LRRC18: variants seen among roughly 807,000 people sequenced by gnomAD.
The protein encoded by LRRC18 is leucine-rich repeat-containing protein 18.
A neutral mutation model predicts 11.2 loss-of-function variants in LRRC18; 12 were observed. That is an observed-to-expected ratio of 1.07 (90% CI 0.69 to 1.74). LRRC18 has a LOEUF of 1.74. Ranked by LOEUF, LRRC18 falls within the 40% of genes most tolerant of loss-of-function variation. The pLI is 0.00. For synonymous variants in LRRC18, 155 were observed against 130.6 expected (o/e 1.19, Z -1.27); for missense variants, 374 against 330.5 (o/e 1.13, Z -1.02).
chr10:48,932,058 A>C, the LRRC18 span, among the ~76,000 whole-genome samples: 1 of 152,220 alleles, frequency 6.6e-6, no homozygotes, highest in Non-Finnish European at 1.5e-5. Context: ...CTTCATTGCC[A>C]ACCCAGGTTT....
chr10:48,925,597 C>CT, the LRRC18 span, among the ~76,000 whole-genome samples: 1 of 152,228 alleles, frequency 6.6e-6, no homozygotes, highest in African/African-American at 2.4e-5. Flanking sequence ...GTGAGCACTG[C>CT]TTCCCTGTGG....
intron 1 of LRRC18, among the ~76,000 whole-genome samples, chr10:48,912,301 A>G (rs946871682): frequency 2.6e-5 from 4 of 152,222 alleles, no homozygotes; most frequent in African/African-American, 9.6e-5. Context: ...TACGTTCTCC[A>G]TGTGCTGCCT....
chr10:48,914,029 G>A, exon 1 of LRRC18: 1 of 1,614,182 alleles, frequency 6.2e-7, no homozygotes, highest in Non-Finnish European at 8.5e-7. Flanking sequence ...ATACACTTGG[G>A]GAAGGTGGTA....
chr10:48,939,567 A>C, the LRRC18 span, among the ~76,000 whole-genome samples: 1 of 152,224 alleles, frequency 6.6e-6, no homozygotes, highest in African/African-American at 2.4e-5. Flanking sequence ...CATCTTATTT[A>C]ATCTAAAACT....
the LRRC18 span, among the ~76,000 whole-genome samples, chr10:48,931,687 G>A: frequency 1.3e-5 from 2 of 152,206 alleles, no homozygotes; most frequent in Admixed American, 6.5e-5. Flanking sequence ...TTGTCTTTCA[G>A]AAAATGCTGC....
At chr10:48,933,702 A>T in the LRRC18 span, among the ~76,000 whole-genome samples, 1 of 152,152 alleles carries the variant, frequency 6.6e-6, no homozygotes, top group Non-Finnish European at 1.5e-5. Context: ...AGAAACTGAA[A>T]AATTGGCAGT....
the LRRC18 span, among the ~76,000 whole-genome samples, chr10:48,922,863 A>G: frequency 2.2e-4 from 33 of 152,242 alleles, no homozygotes; most frequent in Non-Finnish European, 4.6e-4. Flanking sequence ...GAACAAATCT[A>G]TGGTTGCAGG....
upstream of LRRC18, among the ~76,000 whole-genome samples, chr10:48,919,048 C>T (rs151263420): frequency 2.6e-5 from 4 of 152,188 alleles, no homozygotes; most frequent in African/African-American, 9.6e-5. Flanking sequence ...ATGGAATATC[C>T]ACTAACACAG....
At chr10:48,913,546 TCTC>T (rs1838208566) in exon 1 of LRRC18, 2 of 1,613,970 alleles carry the variant, frequency 1.2e-6, no homozygotes, top group South Asian at 1.1e-5. Context: ...CACAGATCCT[TCTC>T]CTCCACAACA....
At chr10:48,936,083 A>C in the LRRC18 span, among the ~76,000 whole-genome samples, 733 of 152,310 alleles carry the variant, frequency 4.8e-3, 3 homozygotes, top group African/African-American at 0.017. Flanking sequence ...TAAATTAGAA[A>C]ATAAATTAAC....
At chr10:48,923,627 G>A in the LRRC18 span, among the ~76,000 whole-genome samples, 14 of 151,474 alleles carry the variant, frequency 9.2e-5, 1 homozygote, top group South Asian at 2.1e-3. Flanking sequence ...TCATGCATTC[G>A]TTCATTTGTT....
At chr10:48,921,358 T>A in the LRRC18 span, among the ~76,000 whole-genome samples, 1 of 152,188 alleles carries the variant, frequency 6.6e-6, no homozygotes, top group South Asian at 2.1e-4. Flanking sequence ...GGTCAAAGGA[T>A]GTTCAATGGA....
At chr10:48,920,134 G>C in the LRRC18 span, among the ~76,000 whole-genome samples, 2 of 150,852 alleles carry the variant, frequency 1.3e-5, no homozygotes, top group Admixed American at 6.6e-5. Context: ...AAAAAAAAAA[G>C]ATCTTATAAT....
chr10:48,934,517 TGAG>T, the LRRC18 span, among the ~76,000 whole-genome samples: 3 of 152,194 alleles, frequency 2.0e-5, no homozygotes, highest in African/African-American at 7.2e-5. Context: ...AGTTGGGTCT[TGAG>T]GAGTGTGTTC....
chr10:48,917,952 C>T (rs981020645), upstream of LRRC18, among the ~76,000 whole-genome samples: 3 of 152,094 alleles, frequency 2.0e-5, no homozygotes, highest in Non-Finnish European at 4.4e-5. Context: ...TACTACATAA[C>T]GGGGAAGTGA....
the LRRC18 span, among the ~76,000 whole-genome samples, chr10:48,923,981 A>G: frequency 1.3e-5 from 2 of 152,192 alleles, no homozygotes; most frequent in South Asian, 4.1e-4. Flanking sequence ...AAGCCCTCCC[A>G]GCTCTGATGA....
At chr10:48,913,322 G>A in intron 1 of LRRC18, 70 bp downstream of exon 3, 1 of 1,461,174 alleles carries the variant, frequency 6.8e-7, no homozygotes, top group Non-Finnish European at 9.3e-7. Context: ...GGTTTCCTGT[G>A]GAGGTAGCCC....
At chr10:48,911,579 G>A (rs1838008039) in intron 1 of LRRC18, among the ~76,000 whole-genome samples, 2 of 152,184 alleles carry the variant, frequency 1.3e-5, no homozygotes, top group Non-Finnish European at 1.5e-5. Context: ...TCTTGCAGAT[G>A]TTTTAAAGTG....
the LRRC18 span, among the ~76,000 whole-genome samples, chr10:48,920,312 A>G: frequency 6.6e-6 from 1 of 151,556 alleles, no homozygotes; most frequent in Non-Finnish European, 1.5e-5. Context: ...TGGGAATTGA[A>G]CAATGAGAAC....
Sources: gnomAD v4.1 joint callset for allele counts (sites outside exome capture counted in the v4.1 genomes callset) on GRCh38, gnomAD v4.1.1 for gene constraint, MANE v1.5 for transcripts, NCBI Gene and HGNC (gene_info 2026-07-23, HGNC 2026-07-21) for gene names.